The following PLA2G7 variants were observed in gnomAD, a reference collection of about 807,000 sequenced individuals.
PLA2G7 encodes the protein platelet-activating factor acetylhydrolase.
A neutral mutation model predicts 49.6 loss-of-function variants in PLA2G7; 63 were observed. The ratio of observed to expected loss-of-function variants is 1.27; its 90% CI spans 1.04 to 1.57. The LOEUF (loss-of-function observed/expected upper bound fraction) is 1.57. PLA2G7 is among the 40% of genes most tolerant of loss of function. The probability of loss-of-function intolerance (pLI) is 0.00; values close to 1 mark genes in which losing one functional copy is unlikely to be tolerated. For synonymous variants in PLA2G7, 193 were observed against 169.9 expected (o/e 1.14, Z -1.06); for missense variants, 596 against 521.2 (o/e 1.14, Z -1.40).
intron 1 of PLA2G7, among the ~76,000 whole-genome samples, chr6:46,730,987 G>A (rs1368244434): frequency 1.3e-5 from 2 of 152,172 alleles, no homozygotes; most frequent in Non-Finnish European, 2.9e-5. Context: ...AATAATTAAG[G>A]GGATCTGGCA....
At chr6:46,708,936 AAAGGTGG>A (rs199926671) in intron 9 of PLA2G7, among the ~76,000 whole-genome samples, 2 of 152,138 alleles carry the variant, frequency 1.3e-5, no homozygotes, top group East Asian at 3.8e-4. Flanking sequence ...GCTCCATCTT[AAAGGTGG>A]AAGGGGGAAA....
chr6:46,717,166 C>T, intron 2 of PLA2G7, 70 bp from the exon 3 acceptor site: 1 of 1,384,792 alleles, frequency 7.2e-7, no homozygotes, highest in Non-Finnish European at 1.0e-6. Context: ...CAAAAGAATT[C>T]CAACGGAATC....
At chr6:46,712,774 G>A (rs1366601092) in intron 5 of PLA2G7, among the ~76,000 whole-genome samples, 1 of 152,108 alleles carries the variant, frequency 6.6e-6, no homozygotes, top group Non-Finnish European at 1.5e-5. Context: ...CTGCATTTTT[G>A]TCCTCACCTG....
In PLA2G7 at chr6:46,705,298, A is replaced by C; in HGVS notation, c.1044T>G (p.Gly348=). 1.2e-6 allele frequency: 2 copies of C among 1,610,946 alleles called. No homozygotes were observed. Among genetic ancestry groups the C allele is most frequent in the Non-Finnish European group, 1.7e-6 (2 of 1,177,536 alleles). The part of the protein sequence containing the change: ...DKERKMITIR[G]SVHQNFADFT... ...AGTCAGCAAAATTCTGGTGGACTGAACCCCTAAAAGAGAACAAGACATTTA... is the reference window on the plus strand; with the variant it reads ...AGTCAGCAAAATTCTGGTGGACTGACCCCCTAAAAGAGAACAAGACATTTA... Residue 348 remains glycine (G), a synonymous_variant, in exon 11 of 12, where the codon GGT becomes GGG. Transcript: ENST00000274793.
At chr6:46,709,231 C>A in intron 9 of PLA2G7, 96 bp downstream of exon 9, 2 of 768,568 alleles carry the variant, frequency 2.6e-6, no homozygotes, top group South Asian at 1.4e-5. Context: ...CAAGAGATCC[C>A]TTCTTCACTA....
At chr6:46,710,035 A>G (rs1321526592) in intron 8 of PLA2G7, among the ~76,000 whole-genome samples, 1 of 152,184 alleles carries the variant, frequency 6.6e-6, no homozygotes, top group African/African-American at 2.4e-5. Flanking sequence ...AGGCAAGGAT[A>G]CAGAAGAGAG....
intron 1 of PLA2G7, among the ~76,000 whole-genome samples, chr6:46,732,368 T>TACACACACACACAC (rs59891486): frequency 7.1e-6 from 1 of 140,856 alleles, no homozygotes; most frequent in African/African-American, 2.5e-5. Flanking sequence ...AACACACACA[T>TACACACACACACAC]ACACACACAC....
chr6:46,712,292 A>T lies in PLA2G7; in HGVS notation c.516T>A (p.Phe172Leu). Residue 172 changes from phenylalanine to leucine, a missense_variant, in exon 6 of 12, where the codon TTT becomes TTA. Transcript: ENST00000274793. ...ACCTGTGTTCTACAGCAGCAACTAT[A>T]AACCCATGAGATGCCAGGTCAATGC... Reference protein sequence around the residue: ...AIGIDLASHGFIVAAVEHRDR... With the variant: ...AIGIDLASHGLIVAAVEHRDR... The T allele has an allele frequency of 6.2e-7, 1 of 1,612,614 alleles. No homozygotes were observed. Among genetic ancestry groups the T allele is most frequent in the Non-Finnish European group, 8.5e-7 (1 of 1,178,738 alleles).
intron 3 of PLA2G7, 120 bp downstream of exon 3, chr6:46,716,855 C>A: frequency 9.8e-7 from 1 of 1,016,548 alleles, no homozygotes; most frequent in Non-Finnish European, 1.6e-6. Context: ...TGAAACAATA[C>A]AAATTGCAAA....
chr6:46,718,575 G>C (rs1471613929), intron 2 of PLA2G7, among the ~76,000 whole-genome samples: 2 of 152,170 alleles, frequency 1.3e-5, no homozygotes, highest in African/African-American at 4.8e-5. Flanking sequence ...ACACTGGGCT[G>C]GTTGATGCCA....
chr6:46,709,372 C>G lies in PLA2G7; in HGVS notation c.824G>C (p.Gly275Ala). 6.2e-7 allele frequency: 1 copy of G among 1,608,518 alleles called. No homozygotes were observed. The highest frequency in any genetic ancestry group is 1.1e-5 in the South Asian group (1 of 90,934). ...EKIAVIGHSFGGATVIQTLSE... is the reference protein window; with the variant it reads ...EKIAVIGHSFAGATVIQTLSE... ...AAGAGTCTGAATAACCGTTGCTCCACCAAAAGAATGTCCAATTACTGCTAT... is the reference window on the plus strand; with the variant it reads ...AAGAGTCTGAATAACCGTTGCTCCAGCAAAAGAATGTCCAATTACTGCTAT... Residue 275 changes from glycine to alanine, a missense_variant, in exon 9 of 12, where the codon GGT (glycine) becomes GCT (alanine). Transcript: ENST00000274793.
intron 1 of PLA2G7, 104 bp downstream of exon 1, chr6:46,735,076 C>G (rs1442178429): frequency 6.6e-6 from 1 of 152,130 alleles, no homozygotes; most frequent in East Asian, 2.0e-4. Flanking sequence ...GGGTGCGACT[C>G]AGCGAGCCCA....
intron 5 of PLA2G7, 132 bp from the exon 6 acceptor site, chr6:46,712,469 G>T (rs1765060844): frequency 1.5e-6 from 1 of 683,608 alleles, no homozygotes; most frequent in Non-Finnish European, 2.7e-6. Context: ...GAGAGCTACG[G>T]TTCTTAAAGG....
chr6:46,726,542 A>G (rs771637631), intron 1 of PLA2G7, among the ~76,000 whole-genome samples: 1 of 152,210 alleles, frequency 6.6e-6, no homozygotes, highest in Non-Finnish European at 1.5e-5. Flanking sequence ...TTAGAACTAG[A>G]GAATCCAACA....
intron 5 of PLA2G7, among the ~76,000 whole-genome samples, chr6:46,713,770 T>G (rs1765109603): frequency 6.6e-6 from 1 of 152,194 alleles, no homozygotes; most frequent in Non-Finnish European, 1.5e-5. Context: ...ACTGCATAGC[T>G]TACTAAAGAC....
chr6:46,717,643 T>C (rs142010527), intron 2 of PLA2G7, among the ~76,000 whole-genome samples: 1 of 151,998 alleles, frequency 6.6e-6, no homozygotes, highest in East Asian at 1.9e-4. Flanking sequence ...GGAATCATCC[T>C]ATTCTCCTAC....
At position 46,714,675 on chromosome 6, in the gene PLA2G7, A is replaced by G. The variant is rs571469128; in HGVS notation, c.377-122T>C. On this transcript the variant is annotated intron_variant, in intron 4 of 11. Transcript: ENST00000274793. ...TTTATATCTACTTTTTTATGGATGA[A>G]TAGTAGATTCATTAAAAAGACTGCT... The G allele has an allele frequency of 3.0e-5, 21 of 708,382 alleles. No homozygotes were observed. In the African/African-American group the frequency reaches 3.3e-4, roughly 11 times the overall value. 43.9% of individuals were successfully genotyped at this position (708,382 alleles called of 1,614,324 possible). A position where few individuals can be genotyped will look rare whatever the true frequency, so the allele number is the denominator to read the frequency against.
At position 46,704,494 on chromosome 6, in the gene PLA2G7, A is replaced by G. The variant is rs899054761; in HGVS notation, c.*66T>C. 2 of 882,902 alleles carry G rather than the reference A, an allele frequency of 2.3e-6. No homozygotes were observed. The highest frequency in any genetic ancestry group is 1.7e-5 in the African/African-American group (1 of 60,158). The allele number at this position is 882,902 out of a possible 1,614,324, so 54.7% of individuals were successfully genotyped here. A position where few individuals can be genotyped will look rare whatever the true frequency, so the allele number is the denominator to read the frequency against. On this transcript the variant is annotated 3_prime_UTR_variant, in exon 12 of 12. Coordinates refer to ENST00000274793, the MANE Select transcript of PLA2G7 (RefSeq NM_005084.4). ...CTCTCTCTCTCACACACACACACAC[A>G]CACACACACACACACATAATTTTAG...
At chr6:46,707,886 A>C in intron 10 of PLA2G7, 105 bp downstream of exon 10, 1 of 710,390 alleles carries the variant, frequency 1.4e-6, no homozygotes, top group Non-Finnish European at 2.4e-6. Context: ...TGAAAGTCTA[A>C]ACAACCAATT....
Sources: allele counts gnomAD v4.1 joint callset (sites outside exome capture counted in the v4.1 genomes callset), GRCh38; gene constraint gnomAD v4.1.1; transcripts MANE v1.5; gene names NCBI Gene and HGNC (gene_info 2026-07-23, HGNC 2026-07-21).